THSD7B: variants seen among roughly 807,000 people sequenced by gnomAD.
THSD7B encodes the protein thrombospondin type 1 domain containing 7B.
A neutral mutation model predicts 213.6 loss-of-function variants in THSD7B; 138 were observed. That is an observed-to-expected ratio of 0.65 (90% CI 0.56 to 0.74). The LOEUF (loss-of-function observed/expected upper bound fraction) is 0.74. THSD7B is among the 30% of genes least tolerant of loss of function. The probability of loss-of-function intolerance (pLI) is 0.00; values close to 1 mark genes in which losing one functional copy is unlikely to be tolerated. For missense variants in THSD7B, 1,931 were observed against 1,991.5 expected (o/e 0.97, Z 0.58); for synonymous variants, 742 against 687.0 (o/e 1.08, Z -1.25).
chr2:137,676,373 T>C, intron 27 of THSD7B, 151 bp from the exon 28 acceptor site: 2 of 664,104 alleles, frequency 3.0e-6, no homozygotes, highest in East Asian at 3.0e-5. Context: ...GTGAAAGCAT[T>C]CAATATTCAC....
intron 14 of THSD7B, among the ~76,000 whole-genome samples, chr2:137,431,890 A>G (rs576738801): frequency 1.5e-5 from 2 of 133,260 alleles, no homozygotes; most frequent in Non-Finnish European, 3.4e-5. Flanking sequence ...ACGGGAACAG[A>G]TAACCTCAGA....
intron 12 of THSD7B, among the ~76,000 whole-genome samples, chr2:137,400,988 C>T (rs1341274251): frequency 3.3e-5 from 5 of 152,166 alleles, no homozygotes; most frequent in African/African-American, 7.2e-5. Flanking sequence ...TAGGTGAAAC[C>T]GCTGACATGC....
intron 12 of THSD7B, among the ~76,000 whole-genome samples, chr2:137,337,205 G>C (rs1402096899): frequency 1.3e-5 from 2 of 151,988 alleles, no homozygotes; most frequent in African/African-American, 2.4e-5. Context: ...CACTACTTTT[G>C]TTTTGTCTTG....
At chr2:137,653,401 A>G (rs1683173501) in intron 21 of THSD7B, among the ~76,000 whole-genome samples, 1 of 151,832 alleles carries the variant, frequency 6.6e-6, no homozygotes, top group Non-Finnish European at 1.5e-5. Flanking sequence ...GCGCCTTATG[A>G]TAGTCTTATT....
chr2:137,602,396 A>G lies in THSD7B; in HGVS notation c.3424-13779A>G, dbSNP rs1385755154. ...GCGATTCCCCTGCCTCAGCCTCCTA[A>G]GTAGGTGGGACTATAGGCACGCATC... On this transcript the variant is annotated intron_variant, in intron 17 of 27. Coordinates refer to ENST00000409968, the MANE Select transcript of THSD7B (RefSeq NM_001316349.2). Among the ~76,000 whole-genome samples the G allele has an allele frequency of 2.6e-5, 4 of 152,008 alleles. No individual in the cohort carries two copies. The East Asian group carries it at 7.8e-4, about 29-fold the overall frequency.
At chr2:137,121,017 T>C (rs16838134) in intron 5 of THSD7B, among the ~76,000 whole-genome samples, 2,115 of 152,234 alleles carry the variant, frequency 0.014, 60 homozygotes, top group African/African-American at 0.048. Context: ...CAAAGTGAGA[T>C]TGGTTTCTAC....
intron 2 of THSD7B, among the ~76,000 whole-genome samples, chr2:136,942,866 G>A (rs1219811244): frequency 6.6e-6 from 1 of 152,116 alleles, no homozygotes; most frequent in African/African-American, 2.4e-5. Flanking sequence ...TGATTGCCCT[G>A]GCCAGAACTT....
At chr2:137,515,153 AG>A (rs973821953) in intron 15 of THSD7B, among the ~76,000 whole-genome samples, 14 of 152,194 alleles carry the variant, frequency 9.2e-5, no homozygotes, top group Admixed American at 9.2e-4. Context: ...GGAAAAGAAT[AG>A]GACCCTGCGA....
chr2:136,996,161 A>C (rs930949970), intron 2 of THSD7B, among the ~76,000 whole-genome samples: 3 of 152,174 alleles, frequency 2.0e-5, no homozygotes, highest in African/African-American at 7.2e-5. Context: ...CTGTAGCAGT[A>C]ATTTCTATTT....
intron 3 of THSD7B, among the ~76,000 whole-genome samples, chr2:137,091,554 T>C (rs1162142555): frequency 6.6e-6 from 1 of 151,762 alleles, no homozygotes; most frequent in African/African-American, 2.4e-5. Context: ...CACTCACTTC[T>C]GGAGGCCGTA....
At chr2:136,879,799 A>C (rs1294401275) in intron 1 of THSD7B, among the ~76,000 whole-genome samples, 1 of 152,184 alleles carries the variant, frequency 6.6e-6, no homozygotes, top group Non-Finnish European at 1.5e-5. Context: ...AAACAAAAAA[A>C]GTCAGGGGTT....
chr2:137,500,537 C>T (rs1679678046), intron 15 of THSD7B, among the ~76,000 whole-genome samples: 1 of 152,272 alleles, frequency 6.6e-6, no homozygotes, highest in East Asian at 1.9e-4. Context: ...ATAAGTCAGG[C>T]ACACTTATGT....
Position 136,796,614 on chromosome 2 carries a change from T to G in THSD7B, c.-36+30927T>G, listed in dbSNP as rs115387340. 8.5e-3 allele frequency among the ~76,000 whole-genome samples: 1,297 copies of G among 152,052 alleles called. 28 individuals are homozygous for G. Among genetic ancestry groups the G allele is most frequent in the African/African-American group, 0.03 (1,233 of 41,514 alleles). On this transcript the variant is annotated intron_variant, in intron 1 of 27. Coordinates refer to ENST00000409968, the MANE Select transcript of THSD7B (RefSeq NM_001316349.2). ...AATCTAATTCAAGATTTTCAGAGAT[T>G]AAGTTCTAAATTATAAAACTGAAAT...
chr2:137,259,755 A>G (rs1450095748), intron 10 of THSD7B, among the ~76,000 whole-genome samples: 2 of 152,068 alleles, frequency 1.3e-5, no homozygotes, highest in Non-Finnish European at 2.9e-5. Flanking sequence ...TTCTCCCTCT[A>G]CTAGAATGAA....
chr2:136,938,530 C>T (rs1684769311), intron 2 of THSD7B, among the ~76,000 whole-genome samples: 1 of 151,776 alleles, frequency 6.6e-6, no homozygotes, highest in Non-Finnish European at 1.5e-5. Context: ...TATATTTTTT[C>T]ATTTGCCTGG....
At chr2:137,165,663 T>C (rs1680113995) in intron 6 of THSD7B, among the ~76,000 whole-genome samples, 1 of 152,152 alleles carries the variant, frequency 6.6e-6, no homozygotes, top group Admixed American at 6.5e-5. Context: ...CGGGAGTGTT[T>C]AGCTTCACAT....
intron 3 of THSD7B, among the ~76,000 whole-genome samples, chr2:137,060,445 A>G (rs1335074258): frequency 6.6e-6 from 1 of 151,694 alleles, no homozygotes; most frequent in Admixed American, 6.6e-5. Flanking sequence ...CCCAAAGTCA[A>G]CTCAATTTTT....
At chr2:137,512,320 A>G (rs915099588) in intron 15 of THSD7B, 2 of 148,952 alleles carry the variant, frequency 1.3e-5, no homozygotes, top group African/African-American at 5.0e-5. Context: ...TAAATCATTC[A>G]TGGTATCAGA....
chr2:137,485,966 G>C (rs1202155279), intron 15 of THSD7B, among the ~76,000 whole-genome samples: 2 of 152,054 alleles, frequency 1.3e-5, no homozygotes, highest in Non-Finnish European at 2.9e-5. Context: ...GTCACCACCA[G>C]GCCTGCCCTA....
Sources: allele counts gnomAD v4.1 joint callset (sites outside exome capture counted in the v4.1 genomes callset), GRCh38; gene constraint gnomAD v4.1.1; transcripts MANE v1.5; gene names NCBI Gene and HGNC (gene_info 2026-07-23, HGNC 2026-07-21).